The following PAPSS2 variants were observed in gnomAD, a reference collection of about 807,000 sequenced individuals.
PAPSS2 encodes bifunctional 3'-phosphoadenosine 5'-phosphosulfate synthase 2.
Under a neutral mutation model 66.5 loss-of-function variants are expected in PAPSS2, and 61 were observed. The observed-to-expected ratio is 0.92, with a 90% confidence interval of 0.75 to 1.14. PAPSS2 has a LOEUF of 1.14. Among genes scored for constraint, PAPSS2 ranks in the 50% most tolerant of loss-of-function variants. PAPSS2 has a pLI of 0.00. For missense variants in PAPSS2, 708 were observed against 789.6 expected (o/e 0.90, Z 1.24); for synonymous variants, 289 against 287.5 (o/e 1.01, Z -0.05).
At chr10:87,718,529 C>A (rs917713956) in intron 7 of PAPSS2, among the ~76,000 whole-genome samples, 2 of 152,164 alleles carry the variant, frequency 1.3e-5, no homozygotes, top group African/African-American at 4.8e-5. Context: ...GCAGAAAGCC[C>A]AGTTCTTTCA....
At chr10:87,708,517 C>A (rs1394577648) in intron 1 of PAPSS2, among the ~76,000 whole-genome samples, 2 of 152,128 alleles carry the variant, frequency 1.3e-5, no homozygotes, top group Non-Finnish European at 2.9e-5. Context: ...CCACCCCCAC[C>A]CTAGTATTTC....
At position 87,728,815 on chromosome 10, in the gene PAPSS2, G is replaced by A. The variant is rs565105245; in HGVS notation, c.1086+1326G>A. Among the ~76,000 whole-genome samples the A allele has an allele frequency of 7.9e-5, 12 of 152,220 alleles. No individual in the cohort carries two copies. The East Asian group carries it at 1.5e-3, about 20-fold the overall frequency. On this transcript the variant is annotated intron_variant, in intron 9 of 12. Transcript: ENST00000456849. The stretch of plus-strand genomic sequence containing the variant: ...CCTCATGACCCTGTCAAAAGATATG[G>A]CTTCTTTTGGTCTTCATTTTTGTTA...
intron 10 of PAPSS2, among the ~76,000 whole-genome samples, chr10:87,741,900 G>A (rs527629544): frequency 6.6e-6 from 1 of 152,092 alleles, no homozygotes; most frequent in African/African-American, 2.4e-5. Flanking sequence ...GGGACTACAA[G>A]GCACATGCCA....
intron 1 of PAPSS2, among the ~76,000 whole-genome samples, chr10:87,681,216 A>C (rs138356593): frequency 1.7e-3 from 260 of 152,360 alleles, no homozygotes; most frequent in African/African-American, 6.2e-3. Flanking sequence ...GATCGTGTGA[A>C]TATACCACCA....
At chr10:87,679,169 A>G (rs1268534349) in intron 1 of PAPSS2, among the ~76,000 whole-genome samples, 1 of 152,216 alleles carries the variant, frequency 6.6e-6, no homozygotes, top group African/African-American at 2.4e-5. Context: ...AAATGATATA[A>G]TCCAGGCACA....
At position 87,696,352 on chromosome 10, in the gene PAPSS2, T is replaced by C. The variant is rs184333996; in HGVS notation, c.28-12844T>C. Among the ~76,000 whole-genome samples, 134 of 152,240 alleles carry C rather than the reference T, an allele frequency of 8.8e-4. 5 individuals carry two copies. The highest frequency in any genetic ancestry group is 8.3e-3 in the Admixed American group (127 of 15,302). ...TCCTGGGCTCTCTCTATATGGAAAA[T>C]TAAAGGCTATGTATGTTATAATAGG... On this transcript the variant is annotated intron_variant, in intron 1 of 12. Coordinates refer to ENST00000456849, the MANE Select transcript of PAPSS2 (RefSeq NM_001015880.2).
At chr10:87,738,812 T>C (rs1853832095) in intron 9 of PAPSS2, among the ~76,000 whole-genome samples, 1 of 152,376 alleles carries the variant, frequency 6.6e-6, no homozygotes, top group Middle Eastern at 3.4e-3. Flanking sequence ...TACATGCTTT[T>C]GGCCATTTGT....
chr10:87,679,823 C>T (rs1430102793), intron 1 of PAPSS2, among the ~76,000 whole-genome samples: 3 of 151,876 alleles, frequency 2.0e-5, no homozygotes, highest in South Asian at 2.1e-4. Flanking sequence ...TCCAGGGGTT[C>T]GAGACCAGCC....
intron 1 of PAPSS2, among the ~76,000 whole-genome samples, chr10:87,687,273 GATAAA>G (rs1205177233): frequency 6.6e-6 from 1 of 152,088 alleles, no homozygotes; most frequent in African/African-American, 2.4e-5. Context: ...TAATCAAAAT[GATAAA>G]ATAAGTATGG....
At chr10:87,694,799 G>C (rs1406292640) in intron 1 of PAPSS2, among the ~76,000 whole-genome samples, 1 of 152,184 alleles carries the variant, frequency 6.6e-6, no homozygotes, top group African/African-American at 2.4e-5. Context: ...TTGTCAACTG[G>C]AAAAAGAGGT....
rs986690261 is a variant in PAPSS2, at chr10:87,746,257, A to G, written c.*287A>G. The G allele has an allele frequency of 9.1e-6, 2 of 219,852 alleles. No individual in the cohort carries two copies. The highest frequency in any genetic ancestry group is 1.8e-5 in the Non-Finnish European group (2 of 112,904). The allele number at this position is 219,852 out of a possible 1,614,324, so 13.6% of individuals were successfully genotyped here. On this transcript the variant is annotated 3_prime_UTR_variant, in exon 13 of 13. Coordinates refer to ENST00000456849, the MANE Select transcript of PAPSS2 (RefSeq NM_001015880.2). ...TACTGCACCTGAGCAGGCAGGTCCCAGATTTCTTAAGGCTTTGTTTGACCA... is the reference window on the plus strand; with the variant it reads ...TACTGCACCTGAGCAGGCAGGTCCCGGATTTCTTAAGGCTTTGTTTGACCA...
chr10:87,710,244 C>T (rs979827458), intron 2 of PAPSS2, among the ~76,000 whole-genome samples: 5 of 152,334 alleles, frequency 3.3e-5, no homozygotes, highest in African/African-American at 1.2e-4. Flanking sequence ...TCTGTCCCAA[C>T]TGGCCTCATT....
At chr10:87,730,048 G>T (rs1490471035) in intron 9 of PAPSS2, among the ~76,000 whole-genome samples, 1 of 152,172 alleles carries the variant, frequency 6.6e-6, no homozygotes, top group Non-Finnish European at 1.5e-5. Context: ...AGTTAGCCAA[G>T]TTGTAAATGC....
chr10:87,741,754 G>A (rs533163974), intron 10 of PAPSS2, among the ~76,000 whole-genome samples: 11 of 146,956 alleles, frequency 7.5e-5, no homozygotes, highest in South Asian at 2.2e-4. Context: ...AGGATACCAG[G>A]AGTCAGCATT....
At chr10:87,713,937 C>G (rs1321279139) in intron 3 of PAPSS2, 107 bp from the exon 4 acceptor site, 1 of 1,157,298 alleles carries the variant, frequency 8.6e-7, no homozygotes, top group African/African-American at 1.5e-5. Context: ...AAAGCACAAA[C>G]CCCAGTGTTA....
In PAPSS2 at chr10:87,700,406, C is replaced by G. The variant is rs564974733; in HGVS notation, c.28-8790C>G. Among the ~76,000 whole-genome samples the G allele has an allele frequency of 7.9e-5, 12 of 152,088 alleles. No individual in the cohort carries two copies. In the South Asian group the frequency reaches 2.5e-3, roughly 32 times the overall value. ...GTGTAGTGGTTCATGCCTGTAATCCCAGCACTTTGGGATGTTGAGGCAGGA... is the reference window on the plus strand; with the variant it reads ...GTGTAGTGGTTCATGCCTGTAATCCGAGCACTTTGGGATGTTGAGGCAGGA... On this transcript the variant is annotated intron_variant, in intron 1 of 12. Coordinates refer to ENST00000456849, the MANE Select transcript of PAPSS2 (RefSeq NM_001015880.2).
At chr10:87,663,748 G>A (rs537013122) in intron 1 of PAPSS2, among the ~76,000 whole-genome samples, 2 of 152,282 alleles carry the variant, frequency 1.3e-5, no homozygotes, top group East Asian at 1.9e-4. Context: ...TACAATTGTC[G>A]TGAAAAGTAA....
intron 1 of PAPSS2, among the ~76,000 whole-genome samples, chr10:87,708,308 A>C (rs899685252): frequency 6.6e-6 from 1 of 152,228 alleles, no homozygotes. Context: ...GGCTTTTTGA[A>C]AGATTAAAAA....
intron 1 of PAPSS2, among the ~76,000 whole-genome samples, chr10:87,698,427 AT>A (rs1182354821): frequency 1.3e-5 from 2 of 152,146 alleles, no homozygotes; most frequent in Non-Finnish European, 2.9e-5. Flanking sequence ...TTGACAAATG[AT>A]TTAATTTGCT....
Sources: gnomAD v4.1 joint callset for allele counts (sites outside exome capture counted in the v4.1 genomes callset) on GRCh38, gnomAD v4.1.1 for gene constraint, MANE v1.5 for transcripts, NCBI Gene and HGNC (gene_info 2026-07-23, HGNC 2026-07-21) for gene names.